Variants in JAKMIP3 observed in about 807,000 individuals in gnomAD.
The protein encoded by JAKMIP3 is Janus kinase and microtubule interacting protein 3.
Under a neutral mutation model 118.5 loss-of-function variants are expected in JAKMIP3, and 58 were observed. That is an observed-to-expected ratio of 0.49 (90% CI 0.40 to 0.61). The LOEUF (loss-of-function observed/expected upper bound fraction) is 0.61, where lower values mean the gene tolerates loss of function less well. Ranked by LOEUF, JAKMIP3 falls within the 20% of genes least tolerant of loss-of-function variation. The pLI is 0.00. For synonymous variants in JAKMIP3, 486 were observed against 451.2 expected (o/e 1.08, Z -0.98); for missense variants, 950 against 1,109.0 (o/e 0.86, Z 2.04).
intron 21 of JAKMIP3, among the ~76,000 whole-genome samples, chr10:132,166,346 G>A (rs897859926): frequency 6.6e-6 from 1 of 152,074 alleles, no homozygotes; most frequent in African/African-American, 2.4e-5. Flanking sequence ...AATAGATCAG[G>A]TGTTATTTCT....
chr10:132,097,454 C>T (rs747386414), intron 1 of JAKMIP3, among the ~76,000 whole-genome samples: 35 of 150,236 alleles, frequency 2.3e-4, no homozygotes, highest in African/African-American at 5.1e-4. Context: ...CTCGGGAGGT[C>T]GCCTACTGTA....
upstream of JAKMIP3, among the ~76,000 whole-genome samples, chr10:132,064,480 C>T (rs1253265252): frequency 1.3e-5 from 2 of 151,862 alleles, no homozygotes; most frequent in South Asian, 2.1e-4. This position sits in a 1 kb window ranked among gnomAD's most constrained non-coding sequence, Gnocchi z 4.4. Context: ...CAGGGCAACA[C>T]GGGAGGGGTC....
intron 1 of JAKMIP3, among the ~76,000 whole-genome samples, chr10:132,084,035 T>G (rs1564879467): frequency 6.6e-6 from 1 of 152,208 alleles, no homozygotes; most frequent in Non-Finnish European, 1.5e-5. Context: ...TTTGATTCCA[T>G]GTGAATTTTA....
At chr10:132,064,826 C>G (rs1228003514), upstream of JAKMIP3, among the ~76,000 whole-genome samples, 6 of 152,240 alleles carry the variant, frequency 3.9e-5, no homozygotes, top group African/African-American at 1.4e-4. The surrounding 1 kb of genome is among the most constrained non-coding windows in gnomAD (Gnocchi z 4.4). Context: ...GTGCCATCCT[C>G]TGACATGTTA....
chr10:132,128,649 T>C (rs1018362315), intron 3 of JAKMIP3, among the ~76,000 whole-genome samples: 1 of 152,236 alleles, frequency 6.6e-6, no homozygotes, highest in Non-Finnish European at 1.5e-5. Flanking sequence ...ATCTTGGGTT[T>C]GTGATTTTAC....
At chr10:132,167,737 C>CACCCCTT (rs2059054057) in intron 22 of JAKMIP3, among the ~76,000 whole-genome samples, 1 of 152,134 alleles carries the variant, frequency 6.6e-6, no homozygotes, top group Non-Finnish European at 1.5e-5. Context: ...CCTCATCCCT[C>CACCCCTT]ACCCCTTACC....
At chr10:132,082,795 G>A (rs2041946184) in intron 1 of JAKMIP3, among the ~76,000 whole-genome samples, 1 of 152,122 alleles carries the variant, frequency 6.6e-6, no homozygotes, top group African/African-American at 2.4e-5. Flanking sequence ...ATTTTTAATA[G>A]AGACAGAGTT....
At chr10:132,180,710 C>CGCGCGT (rs1429832672) in intron 23 of JAKMIP3, among the ~76,000 whole-genome samples, 1 of 9,474 alleles carries the variant, frequency 1.1e-4, no homozygotes, top group Admixed American at 1.2e-3. Flanking sequence ...TGTGTGTGCG[C>CGCGCGT]GTGTGTGTGC....
intron 8 of JAKMIP3, among the ~76,000 whole-genome samples, chr10:132,137,771 C>T (rs532130610): frequency 2.0e-4 from 31 of 152,354 alleles, no homozygotes; most frequent in Admixed American, 9.8e-4. Flanking sequence ...CTGCAGGGTC[C>T]GGAGGGGCCC....
chr10:132,107,064 TTTA>T (rs200623537), intron 2 of JAKMIP3, among the ~76,000 whole-genome samples: 30,318 of 150,738 alleles, frequency 0.2, 3,223 homozygotes, highest in East Asian at 0.29. Context: ...TTTTTTTTTT[TTTA>T]ACTTTTTTGT....
chr10:132,062,097 G>A (rs1241732946), upstream of JAKMIP3, among the ~76,000 whole-genome samples: 3 of 151,810 alleles, frequency 2.0e-5, no homozygotes, highest in Admixed American at 1.3e-4. Context: ...TGATGAGCAC[G>A]CCACAGAGAC....
At chr10:132,095,773 A>G (rs2043774881) in intron 1 of JAKMIP3, among the ~76,000 whole-genome samples, 1 of 152,120 alleles carries the variant, frequency 6.6e-6, no homozygotes, top group Admixed American at 6.5e-5. Context: ...GGTGTTTACT[A>G]TTCCTGATAG....
At position 132,112,908 on chromosome 10, in the gene JAKMIP3, C is replaced by T. The variant is rs1589841824; in HGVS notation, c.136-4169C>T. On this transcript the variant is annotated intron_variant, in intron 2 of 23. Transcript: ENST00000684848. The surrounding 1 kb of genome is among the most constrained non-coding windows in gnomAD (Gnocchi z 4.3). ...TTCCCTTCTGCCCCCTTTGGCTGCT[C>T]CATTCTTTCCTACTCCTTAGAAAAA... Among the ~76,000 whole-genome samples, 1 of 152,186 alleles carries T rather than the reference C, an allele frequency of 6.6e-6. No homozygotes were observed. The highest frequency in any genetic ancestry group is 2.4e-5 in the African/African-American group (1 of 41,442).
intron 23 of JAKMIP3, among the ~76,000 whole-genome samples, chr10:132,180,809 GTGT>G (rs558045122): frequency 1.3e-5 from 2 of 150,866 alleles, no homozygotes; most frequent in Non-Finnish European, 3.0e-5. Flanking sequence ...TGTGAGTGGT[GTGT>G]TGTGTATGCA....
intron 5 of JAKMIP3, 88 bp downstream of exon 5, chr10:132,135,248 C>T (rs912625273): frequency 2.6e-5 from 35 of 1,340,446 alleles, no homozygotes; most frequent in African/African-American, 1.0e-4. Flanking sequence ...AAATTCCTTG[C>T]GTAAAGGAGT....
At chr10:132,042,252 C>A (rs763102042) in intron 1 of JAKMIP3, among the ~76,000 whole-genome samples, 2 of 141,294 alleles carry the variant, frequency 1.4e-5, no homozygotes, top group African/African-American at 2.7e-5. Flanking sequence ...GTCTCTGTCA[C>A]CCAGGCTGGA....
intron 1 of JAKMIP3, among the ~76,000 whole-genome samples, chr10:132,090,872 G>T (rs2043006431): frequency 6.6e-6 from 1 of 151,706 alleles, no homozygotes; most frequent in South Asian, 2.1e-4. Context: ...TGTGATGTTA[G>T]GGTGGCAATT....
At chr10:132,161,074 T>A (rs2058178972) in intron 19 of JAKMIP3, among the ~76,000 whole-genome samples, 1 of 105,590 alleles carries the variant, frequency 9.5e-6, no homozygotes, top group Admixed American at 9.5e-5. Context: ...TGTGTGATGC[T>A]GGGGGGGCCT....
chr10:132,036,373 T>A (rs1353506008), upstream of JAKMIP3, among the ~76,000 whole-genome samples: 1 of 152,222 alleles, frequency 6.6e-6, no homozygotes, highest in Non-Finnish European at 1.5e-5. Context: ...AGCTCCCCCG[T>A]GCTGCGCATG....
Sources: gnomAD v4.1 joint callset for allele counts (sites outside exome capture counted in the v4.1 genomes callset) on GRCh38, gnomAD v4.1.1 for gene constraint, Gnocchi (gnomAD v3.1) non-coding constraint, MANE v1.5 for transcripts, NCBI Gene and HGNC (gene_info 2026-07-23, HGNC 2026-07-21) for gene names.